GSTA4: variants seen among roughly 807,000 people sequenced by gnomAD.
GSTA4 encodes glutathione S-transferase A4.
In GSTA4, 15 loss-of-function variants were observed where a neutral mutation model predicts 24.4. The ratio of observed to expected loss-of-function variants is 0.61; its 90% confidence interval spans 0.41 to 0.95. GSTA4 has a LOEUF of 0.95. Among genes scored for constraint, GSTA4 ranks in the 40% least tolerant of loss-of-function variants. GSTA4 has a pLI of 0.00. For synonymous variants in GSTA4, 92 were observed against 94.2 expected (o/e 0.98, Z 0.13); for missense variants, 244 against 262.1 (o/e 0.93, Z 0.48).
chr6:52,995,112 G>GTCTT (rs534776666), intron 1 of GSTA4, 137 bp downstream of exon 1: 1 of 152,824 alleles, frequency 6.5e-6, no homozygotes, highest in Non-Finnish European at 1.5e-5. Context: ...AAGGACAAGA[G>GTCTT]GAAGAAAAGA....
intron 5 of GSTA4, among the ~76,000 whole-genome samples, chr6:52,983,431 A>G (rs934337050): frequency 6.6e-6 from 1 of 152,224 alleles, no homozygotes; most frequent in Non-Finnish European, 1.5e-5. Flanking sequence ...TGTGTGTCAC[A>G]GGGACTCCGA....
intron 5 of GSTA4, 106 bp downstream of exon 5, chr6:52,984,358 A>G: frequency 4.7e-6 from 5 of 1,069,438 alleles, no homozygotes; most frequent in Non-Finnish European, 5.5e-6. Context: ...GGTTAGTTCA[A>G]CTGGGCTCAG....
At chr6:52,982,888 A>AGAGAGAGAGAGCGGGG (rs1198896500) in intron 5 of GSTA4, among the ~76,000 whole-genome samples, 183 bp from the exon 6 acceptor site, 7 of 28,568 alleles carry the variant, frequency 2.5e-4, no homozygotes, top group Non-Finnish European at 5.8e-4. Flanking sequence ...AGAGGGGGAG[A>AGAGAGAGAGAGCGGGG]GAGAGAGAGA....
At chr6:52,986,960 T>A (rs941329825) in intron 3 of GSTA4, among the ~76,000 whole-genome samples, 1 of 152,054 alleles carries the variant, frequency 6.6e-6, no homozygotes, top group Non-Finnish European at 1.5e-5. Flanking sequence ...AAGTACCCCA[T>A]GTAAATGGGG....
chr6:52,984,584 C>G lies in GSTA4; in HGVS notation c.294G>C (p.Gly98=). Residue 98 remains glycine, a synonymous_variant, in exon 5 of 7, where the codon GGG becomes GGC. Coordinates refer to ENST00000370963, the MANE Select transcript of GSTA4 (RefSeq NM_001512.4). The part of the protein sequence containing the change: ...ERTLIDMYVE[G]TLDLLELLIM... Reference sequence around the variant, plus strand: ...TAAGCAGTTCCAGCAGATCCAGTGTCCCCTCCACGTACATGTCAATCCTTA... The same window carrying G: ...TAAGCAGTTCCAGCAGATCCAGTGTGCCCTCCACGTACATGTCAATCCTTA... 6.2e-7 allele frequency: 1 copy of G among 1,613,564 alleles called. No homozygotes were observed. The highest frequency in any genetic ancestry group is 8.5e-7 in the Non-Finnish European group (1 of 1,179,606).
intron 6 of GSTA4, among the ~76,000 whole-genome samples, chr6:52,982,321 C>T (rs1031781173): frequency 2.7e-5 from 4 of 150,812 alleles, no homozygotes; most frequent in African/African-American, 9.8e-5. Flanking sequence ...GAGTTCAAGA[C>T]CATTCTGGGC....
chr6:52,991,834 T>C (rs1581915413), intron 2 of GSTA4, among the ~76,000 whole-genome samples: 1 of 149,154 alleles, frequency 6.7e-6, no homozygotes, highest in Non-Finnish European at 1.5e-5. Context: ...CTCGGCTCAC[T>C]GCAACCCCCG....
At chr6:52,986,028 C>G (rs1300643487) in intron 3 of GSTA4, among the ~76,000 whole-genome samples, 2 of 151,658 alleles carry the variant, frequency 1.3e-5, no homozygotes, top group Non-Finnish European at 2.9e-5. Context: ...GCCTGGGCAA[C>G]AGAGCAAGAC....
intron 4 of GSTA4, among the ~76,000 whole-genome samples, chr6:52,985,178 G>A (rs1763528426): frequency 6.6e-6 from 1 of 152,036 alleles, no homozygotes; most frequent in Non-Finnish European, 1.5e-5. Flanking sequence ...GTGCAAGAAA[G>A]GGAAAAAGCA....
In GSTA4 at chr6:52,978,464, G is replaced by T. The variant is rs372451216; in HGVS notation, c.*6C>A. 4 of 1,613,180 alleles carry T rather than the reference G, an allele frequency of 2.5e-6. No homozygotes were observed. In the Admixed American group the frequency reaches 5.0e-5, roughly 20 times the overall value. On this transcript the variant is annotated 3_prime_UTR_variant, in exon 7 of 7. Transcript: ENST00000370963. ...CACACTGTCACTCACACATGGATGT[G>T]TTGTTTTATGGCCTAAAGATGTTGT...
chr6:52,981,752 C>G (rs1378163244), intron 6 of GSTA4, among the ~76,000 whole-genome samples: 1 of 152,198 alleles, frequency 6.6e-6, no homozygotes, highest in East Asian at 1.9e-4. Flanking sequence ...ACTGCCTAAG[C>G]CAGCTTGGCT....
intron 3 of GSTA4, among the ~76,000 whole-genome samples, chr6:52,986,006 G>T (rs142570827): frequency 6.6e-6 from 1 of 151,916 alleles, no homozygotes; most frequent in Non-Finnish European, 1.5e-5. Flanking sequence ...AGCCAAGATC[G>T]CGCCATTGCA....
rs756951534 is a variant in GSTA4 at position 52,982,557 on chromosome 6, T to C, written c.546+17A>G. 1 of 1,598,910 alleles carries C rather than the reference T, an allele frequency of 6.3e-7. No individual in the cohort carries two copies. Among genetic ancestry groups the C allele is most frequent in the Non-Finnish European group, 8.5e-7 (1 of 1,170,010 alleles). On this transcript the variant is annotated intron_variant, in intron 6 of 6. Coordinates refer to ENST00000370963, the MANE Select transcript of GSTA4 (RefSeq NM_001512.4). ...CAAGAGTTCTAGGCCAATCTTCTAA[T>C]ACATAGTTTTATTTACCTGGAGGAA...
chr6:52,994,859 A>G (rs1279347844), intron 1 of GSTA4, among the ~76,000 whole-genome samples: 1 of 152,070 alleles, frequency 6.6e-6, no homozygotes, highest in Non-Finnish European at 1.5e-5. Flanking sequence ...TTGTAAAACG[A>G]GCCGGGGGCC....
At chr6:52,988,292 A>T (rs1763600885) in intron 2 of GSTA4, among the ~76,000 whole-genome samples, 1 of 152,182 alleles carries the variant, frequency 6.6e-6, no homozygotes, top group Admixed American at 6.5e-5. Flanking sequence ...CTAAAAAAAA[A>T]AAAAGGTAGG....
At position 52,984,453 on chromosome 6, in the gene GSTA4, C is replaced by T. The variant is rs1763511972; in HGVS notation, c.414+11G>A. 1 of 1,609,696 alleles carries T rather than the reference C, an allele frequency of 6.2e-7. No individual in the cohort carries two copies. The highest frequency in any genetic ancestry group is 1.3e-5 in the African/African-American group (1 of 74,704). On this transcript the variant is annotated intron_variant, in intron 5 of 6. Transcript: ENST00000370963. ...GGTTGCTCTGTGTATGTAGGCATCTCTGCCACCTACCTTTTCAAACACAGG... is the reference window on the plus strand; with the variant it reads ...GGTTGCTCTGTGTATGTAGGCATCTTTGCCACCTACCTTTTCAAACACAGG...
At chr6:52,982,423 G>A (rs1011312822) in intron 6 of GSTA4, 151 bp downstream of exon 6, 2 of 542,666 alleles carry the variant, frequency 3.7e-6, no homozygotes, top group African/African-American at 2.0e-5. Context: ...AATAACTTTG[G>A]GTCCTTACTT....
intron 2 of GSTA4, among the ~76,000 whole-genome samples, chr6:52,992,060 T>C (rs1237796018): frequency 1.4e-5 from 2 of 141,744 alleles, no homozygotes; most frequent in East Asian, 3.8e-4. Context: ...GGCTGGTTAA[T>C]ACCATTTTTC....
intron 3 of GSTA4, among the ~76,000 whole-genome samples, chr6:52,986,884 C>G (rs1435823253): frequency 2.6e-5 from 4 of 152,136 alleles, no homozygotes; most frequent in Admixed American, 6.5e-5. Context: ...CAGGGCTGAC[C>G]AGGAATTAAA....
Sources: gnomAD v4.1 joint callset for allele counts (sites outside exome capture counted in the v4.1 genomes callset) on GRCh38, gnomAD v4.1.1 for gene constraint, MANE v1.5 for transcripts, NCBI Gene and HGNC (gene_info 2026-07-23, HGNC 2026-07-21) for gene names.